Variants in CEP83 observed in about 807,000 individuals in gnomAD.
CEP83 encodes the protein centrosomal protein 83.
In CEP83, 70 loss-of-function variants were observed where a neutral mutation model predicts 101.9. The ratio of observed to expected loss-of-function variants is 0.69; its 90% CI spans 0.57 to 0.84. CEP83 has a LOEUF of 0.84. Ranked by LOEUF, CEP83 falls within the 40% of genes least tolerant of loss-of-function variation. The probability of loss-of-function intolerance (pLI) is 0.00; values close to 1 mark genes in which losing one functional copy is unlikely to be tolerated. For synonymous variants in CEP83, 264 were observed against 267.9 expected (o/e 0.99, Z 0.14); for missense variants, 715 against 787.2 (o/e 0.91, Z 1.10).
the CEP83 span, chr12:94,300,999 C>G: frequency 6.2e-7 from 1 of 1,613,804 alleles, no homozygotes; most frequent in Non-Finnish European, 8.5e-7. Context: ...GGCTGTTTGT[C>G]AGTGATTGCC....
chr12:94,456,939 A>C (rs1175732559), intron 1 of CEP83, among the ~76,000 whole-genome samples: 1 of 152,248 alleles, frequency 6.6e-6, no homozygotes, highest in Non-Finnish European at 1.5e-5. Flanking sequence ...AGCTAAAATA[A>C]TACAATAAAA....
intron 6 of CEP83, among the ~76,000 whole-genome samples, chr12:94,393,395 T>G (rs1232933428): frequency 1.3e-5 from 2 of 152,236 alleles, no homozygotes; most frequent in Admixed American, 6.5e-5. Context: ...TCTCAATAGA[T>G]GCAGAAAAGA....
At chr12:94,406,599 G>A (rs1566111491) in intron 4 of CEP83, among the ~76,000 whole-genome samples, 1 of 152,020 alleles carries the variant, frequency 6.6e-6, no homozygotes, top group Non-Finnish European at 1.5e-5. Flanking sequence ...CAAAGAACTA[G>A]AGAAAAGACT....
chr12:94,458,990 G>A (rs546750341), intron 1 of CEP83, among the ~76,000 whole-genome samples: 1 of 152,324 alleles, frequency 6.6e-6, no homozygotes, highest in Admixed American at 6.5e-5. Context: ...GCTGCTTAAA[G>A]TCTGAACAGA....
chr12:94,447,167 C>T (rs532849980), intron 1 of CEP83, among the ~76,000 whole-genome samples: 2 of 152,204 alleles, frequency 1.3e-5, no homozygotes, highest in South Asian at 4.2e-4. Context: ...TGAGACATGC[C>T]TTATGAGAAA....
intron 14 of CEP83, among the ~76,000 whole-genome samples, chr12:94,329,718 CTG>C (rs2059124842): frequency 1.3e-5 from 2 of 152,300 alleles, no homozygotes; most frequent in East Asian, 3.9e-4. Flanking sequence ...AGTAGGATTT[CTG>C]AGTTCATAGG....
intron 6 of CEP83, among the ~76,000 whole-genome samples, chr12:94,388,176 C>T (rs1295904405): frequency 6.6e-6 from 1 of 152,196 alleles, no homozygotes; most frequent in African/African-American, 2.4e-5. Flanking sequence ...TGGAATCAAC[C>T]TGGGTTCCCA....
At chr12:94,269,430 AT>A in the CEP83 span, among the ~76,000 whole-genome samples, 1 of 152,238 alleles carries the variant, frequency 6.6e-6, no homozygotes, top group African/African-American at 2.4e-5. Context: ...TTTTGGGACA[AT>A]TACGTTTAAT....
At chr12:94,283,809 C>T in the CEP83 span, among the ~76,000 whole-genome samples, 2 of 152,050 alleles carry the variant, frequency 1.3e-5, no homozygotes, top group African/African-American at 2.4e-5. Flanking sequence ...CTGGGCCAGG[C>T]GTGGTGGCTC....
At position 94,368,038 on chromosome 12, in the gene CEP83, A is replaced by G. The variant is rs1434893210; in HGVS notation, c.1193+19T>C. 6.2e-7 allele frequency: 1 copy of G among 1,609,268 alleles called. No individual in the cohort carries two copies. The highest frequency in any genetic ancestry group is 1.3e-5 in the African/African-American group (1 of 74,776). On this transcript the variant is annotated intron_variant, in intron 10 of 16. Coordinates refer to ENST00000397809, the MANE Select transcript of CEP83 (RefSeq NM_016122.3). ...TTTGCAAGGATATTTAAGTCAAACT[A>G]AGGTAATTAAGTACTTACTTTTCAT...
the CEP83 span, among the ~76,000 whole-genome samples, chr12:94,293,449 C>G: frequency 5.9e-5 from 9 of 152,198 alleles, no homozygotes; most frequent in African/African-American, 1.9e-4. Flanking sequence ...ATACCATTGA[C>G]TGGGTGGCTT....
At chr12:94,442,178 C>T (rs1266625188) in intron 1 of CEP83, among the ~76,000 whole-genome samples, 1 of 151,996 alleles carries the variant, frequency 6.6e-6, no homozygotes, top group African/African-American at 2.4e-5. Context: ...GAAATAATGG[C>T]ATTCACAGCA....
rs141750008 is a variant in CEP83 at position 94,356,251 on chromosome 12, T to C, written c.1343+11543A>G. 2.6e-5 allele frequency among the ~76,000 whole-genome samples: 4 copies of C among 152,266 alleles called. No individual in the cohort carries two copies. In the East Asian group the frequency reaches 7.7e-4, roughly 29 times the overall value. ...GGGATAGGTATGGGGTCTGGTTCGT[T>C]TCATCTTAGAACTTTTTCACACTGA... On this transcript the variant is annotated intron_variant, in intron 11 of 16. Coordinates refer to ENST00000397809, the MANE Select transcript of CEP83 (RefSeq NM_016122.3).
the CEP83 span, among the ~76,000 whole-genome samples, chr12:94,276,421 T>TA: frequency 0.025 from 3,174 of 128,650 alleles, 115 homozygotes; most frequent in African/African-American, 0.084. Flanking sequence ...CAGCCTGAGC[T>TA]AAGCCAGGGT....
intron 11 of CEP83, among the ~76,000 whole-genome samples, chr12:94,348,803 C>T (rs894868964): frequency 2.0e-5 from 3 of 152,152 alleles, no homozygotes; most frequent in Non-Finnish European, 4.4e-5. Context: ...TTCTTCTCTA[C>T]GACAATGTCC....
intron 1 of CEP83, among the ~76,000 whole-genome samples, chr12:94,454,566 C>G (rs982424806): frequency 6.6e-6 from 1 of 152,120 alleles, no homozygotes; most frequent in Non-Finnish European, 1.5e-5. Context: ...TGGGTGGGGC[C>G]AAATAAGGGA....
chr12:94,316,574 C>T (rs1055240763), intron 14 of CEP83, among the ~76,000 whole-genome samples: 2 of 150,920 alleles, frequency 1.3e-5, no homozygotes, highest in Non-Finnish European at 3.0e-5. Context: ...CTCCTTCCTC[C>T]CATGCTCCAG....
intron 8 of CEP83, among the ~76,000 whole-genome samples, chr12:94,375,327 T>C (rs900374395): frequency 6.6e-6 from 1 of 152,166 alleles, no homozygotes; most frequent in Non-Finnish European, 1.5e-5. Flanking sequence ...AAGCAAGTTA[T>C]GTGGATACGT....
chr12:94,313,043 T>C (rs1970110988), intron 14 of CEP83, 26 bp from the exon 15 acceptor site: 1 of 999,948 alleles, frequency 1.0e-6, no homozygotes, highest in Non-Finnish European at 1.5e-6. Flanking sequence ...TGAACAAGTA[T>C]GTTAATACAT....
Sources: allele counts gnomAD v4.1 joint callset (sites outside exome capture counted in the v4.1 genomes callset), GRCh38; gene constraint gnomAD v4.1.1; transcripts MANE v1.5; gene names NCBI Gene and HGNC (gene_info 2026-07-23, HGNC 2026-07-21).